The following NEBL variants were observed in gnomAD, a reference collection of about 807,000 sequenced individuals.
NEBL encodes the protein LIM and SH3 protein 2.
NEBL carries 122 observed loss-of-function variants against 140.2 expected under a neutral mutation model. The ratio of observed to expected loss-of-function variants is 0.87; its 90% CI spans 0.75 to 1.01. NEBL has a LOEUF of 1.01. Ranked by LOEUF, NEBL falls within the 50% of genes least tolerant of loss-of-function variation. The probability of loss-of-function intolerance (pLI) is 0.00; values close to 1 mark genes in which losing one functional copy is unlikely to be tolerated. For synonymous variants in NEBL, 436 were observed against 398.9 expected (o/e 1.09, Z -1.11); for missense variants, 1,365 against 1,231.3 (o/e 1.11, Z -1.62).
intron 26 of NEBL, chr10:20,804,301 T>C (rs1310284323): frequency 6.6e-6 from 1 of 152,284 alleles, no homozygotes; most frequent in East Asian, 1.9e-4. Context: ...ATTCAAAATA[T>C]GTACTCATTA....
chr10:21,010,347 C>A (rs771482496), intron 3 of NEBL, among the ~76,000 whole-genome samples: 1 of 152,084 alleles, frequency 6.6e-6, no homozygotes, highest in Non-Finnish European at 1.5e-5. Flanking sequence ...TGGGCTCAAG[C>A]GATCCTCCTA....
intron 14 of NEBL, 135 bp downstream of exon 14, chr10:20,835,378 C>A (rs1013448141): frequency 1.3e-6 from 1 of 780,518 alleles, no homozygotes; most frequent in Non-Finnish European, 2.3e-6. Context: ...CATAATGCTT[C>A]GGAATAGTCT....
At chr10:21,007,906 CAT>C (rs904744714) in intron 3 of NEBL, among the ~76,000 whole-genome samples, 7 of 152,288 alleles carry the variant, frequency 4.6e-5, no homozygotes, top group African/African-American at 1.4e-4. Context: ...TTTCTTAAAA[CAT>C]ATGGAATAAC....
intron 2 of NEBL, among the ~76,000 whole-genome samples, chr10:21,097,227 G>A (rs59276470): frequency 6.8e-6 from 1 of 147,620 alleles, no homozygotes; most frequent in Admixed American, 6.7e-5. Context: ...TCCGGGGGGG[G>A]GGTGGGGCAG....
intron 3 of NEBL, among the ~76,000 whole-genome samples, chr10:20,970,648 T>G (rs1836529659): frequency 6.8e-6 from 1 of 146,974 alleles, no homozygotes. Flanking sequence ...GACCTCATCT[T>G]AAAAAAAAAA....
chr10:20,981,772 C>A lies in NEBL; in HGVS notation c.250-19993G>T, dbSNP rs146930574. ...TGAAGGTCTGGCAGCCACCTTGCGACCATGAGGTAAGCCTGCCTGAAAATG... is the reference window on the plus strand; with the variant it reads ...TGAAGGTCTGGCAGCCACCTTGCGAACATGAGGTAAGCCTGCCTGAAAATG... On this transcript the variant is annotated intron_variant, in intron 3 of 6. Coordinates refer to the NEBL transcript ENST00000417816. Among the ~76,000 whole-genome samples the A allele has an allele frequency of 8.5e-5, 13 of 152,166 alleles. No individual in the cohort carries two copies. In the Middle Eastern group the frequency reaches 0.01, roughly 119 times the overall value.
intron 10 of NEBL, among the ~76,000 whole-genome samples, chr10:20,850,995 A>G (rs1842450807): frequency 6.6e-6 from 1 of 152,252 alleles, no homozygotes; most frequent in South Asian, 2.1e-4. Context: ...GACACTGAGT[A>G]AAACACTCAC....
intron 3 of NEBL, among the ~76,000 whole-genome samples, chr10:21,203,870 A>G (rs1473087052): frequency 6.6e-6 from 1 of 152,152 alleles, no homozygotes; most frequent in Non-Finnish European, 1.5e-5. Context: ...GCAGGCAGGT[A>G]CTATTGCCCA....
At position 21,245,725 on chromosome 10, in the gene NEBL, C is replaced by T. The variant is rs117337215; in HGVS notation, n.348+2196G>A. ...TTTTTGTATTAGCTGGGCATGGAGA[C>T]GAAGTCTTGCTCTGTTGCCCAGGCT... On this transcript the variant is annotated intron_variant and non_coding_transcript_variant, in intron 3 of 8. Coordinates refer to the NEBL transcript ENST00000675702. 4.4e-4 allele frequency among the ~76,000 whole-genome samples: 67 copies of T among 151,926 alleles called. 2 individuals carry two copies. The East Asian group carries it at 0.011, about 25-fold the overall frequency.
intron 26 of NEBL, among the ~76,000 whole-genome samples, chr10:20,799,996 G>T (rs1157321262): frequency 6.6e-6 from 1 of 151,848 alleles, no homozygotes; most frequent in Non-Finnish European, 1.5e-5. Context: ...CGAGCAAAGG[G>T]CAGCTACAAT....
chr10:21,265,121 C>T (rs1460641249), intron 1 of NEBL, among the ~76,000 whole-genome samples: 1 of 151,824 alleles, frequency 6.6e-6, no homozygotes, highest in East Asian at 1.9e-4. Flanking sequence ...TGGGGTTTTA[C>T]CATGTTGGCC....
intron 27 of NEBL, among the ~76,000 whole-genome samples, 159 bp from the exon 28 acceptor site, chr10:20,786,082 T>A (rs940361205): frequency 6.6e-6 from 1 of 152,318 alleles, no homozygotes; most frequent in East Asian, 1.9e-4. Context: ...ATTGTGCTGA[T>A]CTCAAGTTTA....
At chr10:20,916,912 T>C (rs1006431281) in intron 4 of NEBL, among the ~76,000 whole-genome samples, 18 of 152,210 alleles carry the variant, frequency 1.2e-4, no homozygotes, top group Non-Finnish European at 2.5e-4. Context: ...TTAGAATATT[T>C]ATTGACTTTT....
intron 3 of NEBL, among the ~76,000 whole-genome samples, chr10:20,996,982 A>C (rs1837692206): frequency 6.6e-6 from 1 of 152,148 alleles, no homozygotes; most frequent in African/African-American, 2.4e-5. Flanking sequence ...TTCATCATAC[A>C]TAATCTATAA....
At chr10:21,169,067 A>AAAAATATATATAT (rs1554830679) in intron 2 of NEBL, among the ~76,000 whole-genome samples, 31 of 23,058 alleles carry the variant, frequency 1.3e-3, no homozygotes, top group Non-Finnish European at 2.1e-3. Context: ...AAAAAAAAAA[A>AAAAATATATATAT]ATATATATAT....
At chr10:20,884,033 G>A in intron 4 of NEBL, among the ~76,000 whole-genome samples, 1 of 152,136 alleles carries the variant, frequency 6.6e-6, no homozygotes, top group East Asian at 1.9e-4. Context: ...GATTAATGCT[G>A]TTTTCTTCAT....
intron 2 of NEBL, among the ~76,000 whole-genome samples, chr10:21,089,612 C>A (rs1050315024): frequency 1.3e-5 from 2 of 151,848 alleles, no homozygotes; most frequent in East Asian, 1.9e-4. Flanking sequence ...TGGTACCTGG[C>A]AAAAAGTGGG....
At chr10:21,237,669 C>A (rs577374067) in intron 3 of NEBL, among the ~76,000 whole-genome samples, 5 of 151,964 alleles carry the variant, frequency 3.3e-5, no homozygotes, top group African/African-American at 1.2e-4. Context: ...GGCAGTAGCA[C>A]CATGTCAGCT....
intron 3 of NEBL, among the ~76,000 whole-genome samples, chr10:21,205,055 A>G (rs879784856): frequency 1.2e-4 from 19 of 152,224 alleles, no homozygotes; most frequent in African/African-American, 4.6e-4. Flanking sequence ...GTTGTTTGCA[A>G]CTAAGAATGC....
Sources: gnomAD v4.1 joint callset for allele counts (sites outside exome capture counted in the v4.1 genomes callset) on GRCh38, gnomAD v4.1.1 for gene constraint, MANE v1.5 for transcripts, NCBI Gene and HGNC (gene_info 2026-07-23, HGNC 2026-07-21) for gene names.